CCDC40: variants seen among roughly 807,000 people sequenced by gnomAD.
CCDC40 encodes the protein coiled-coil domain 40 molecular ruler complex subunit, also known as coiled-coil domain-containing protein 40.
A neutral mutation model predicts 124.5 loss-of-function variants in CCDC40; 104 were observed. The ratio of observed to expected loss-of-function variants is 0.84; its 90% CI spans 0.71 to 0.98. The LOEUF is 0.98. Among genes scored for constraint, CCDC40 ranks in the 50% least tolerant of loss-of-function variants. The pLI is 0.00. For synonymous variants in CCDC40, 580 were observed against 602.9 expected (o/e 0.96, Z 0.56); for missense variants, 1,463 against 1,503.9 (o/e 0.97, Z 0.45).
intron 17 of CCDC40, among the ~76,000 whole-genome samples, chr17:80,094,688 C>A (rs577598697): frequency 6.6e-6 from 1 of 152,036 alleles, no homozygotes; most frequent in African/African-American, 2.4e-5. Context: ...AGCAAGACTC[C>A]GTCTCAAAAA....
intron 2 of CCDC40, among the ~76,000 whole-genome samples, chr17:80,038,609 G>A (rs939994373): frequency 1.2e-4 from 18 of 151,962 alleles, no homozygotes; most frequent in Non-Finnish European, 2.1e-4. Context: ...GGCAGATCAC[G>A]AGGTCAAAAG....
chr17:80,087,834 C>G lies in CCDC40; in HGVS notation c.2619+58C>G. ...GGACGATGGAGGGCGGGGGTACGGT[C>G]CTTGCGGTGGGCGTTCTGCACCAGG... is the stretch of plus-strand genomic sequence containing the variant. On this transcript the variant is annotated intron_variant, in intron 15 of 19. Transcript: ENST00000397545. This position sits in a 1 kb window ranked among gnomAD's most constrained non-coding sequence, Gnocchi z 4.5. The G allele has an allele frequency of 4.0e-6, 6 of 1,517,676 alleles. No individual in the cohort carries two copies. In the South Asian group the frequency reaches 6.7e-5, roughly 17 times the overall value. The allele number at this position is 1,517,676 out of a possible 1,614,324, so 94.0% of individuals were successfully genotyped here.
Position 80,053,082 on chromosome 17 carries a change from C to G in CCDC40, c.1159+2799C>G, listed in dbSNP as rs190878222. On this transcript the variant is annotated intron_variant, in intron 7 of 19. Coordinates refer to ENST00000397545, the MANE Select transcript of CCDC40 (RefSeq NM_017950.4). ...GACATGGACGACAGATTAGGGAAAT[C>G]GAATCAGTGTCCGAAAGGGAGATTT... 4.7e-3 allele frequency among the ~76,000 whole-genome samples: 713 copies of G among 152,222 alleles called. 2 individuals are homozygous for G. Among genetic ancestry groups the G allele is most frequent in the Non-Finnish European group, 8.3e-3 (563 of 68,010 alleles).
At position 80,072,944 on chromosome 17, in the gene CCDC40, G is replaced by A. The variant is rs531856102; in HGVS notation, c.1562+7338G>A. On this transcript the variant is annotated intron_variant, in intron 10 of 19. Transcript: ENST00000397545. ...TCCCGGGTAAATACAGGCGCATCTCGTTTCAGTGTGCCTCGCTTTCTCCTA... is the reference window on the plus strand; with the variant it reads ...TCCCGGGTAAATACAGGCGCATCTCATTTCAGTGTGCCTCGCTTTCTCCTA... 2.6e-5 allele frequency among the ~76,000 whole-genome samples: 4 copies of A among 152,190 alleles called. No homozygotes were observed. The East Asian group carries it at 5.8e-4, about 22-fold the overall frequency.
In CCDC40 at chr17:80,036,696, G is replaced by A. The variant is rs934195206; in HGVS notation, c.29+5G>A. 3 of 1,463,654 alleles carry A rather than the reference G, an allele frequency of 2.0e-6. No individual in the cohort carries two copies. The highest frequency in any genetic ancestry group is 2.9e-5 in the African/African-American group (2 of 69,168). The allele number at this position is 1,463,654 out of a possible 1,614,324, so 90.7% of individuals were successfully genotyped here. A position where few individuals can be genotyped will look rare whatever the true frequency, so the allele number is the denominator to read the frequency against. On this transcript the variant is annotated splice_donor_5th_base_variant and intron_variant, in intron 1 of 19. Coordinates refer to ENST00000397545, the MANE Select transcript of CCDC40 (RefSeq NM_017950.4). ...ACCGGGCGGCGCGGCGGGCCGGTAAGCCGGGCCGAGGGGCAGCGGGTCTTG... is the reference window on the plus strand; with the variant it reads ...ACCGGGCGGCGCGGCGGGCCGGTAAACCGGGCCGAGGGGCAGCGGGTCTTG...
At chr17:80,062,810 G>A (rs1026700479) in intron 9 of CCDC40, among the ~76,000 whole-genome samples, 2 of 151,928 alleles carry the variant, frequency 1.3e-5, no homozygotes, top group Non-Finnish European at 2.9e-5. Context: ...AGACTGGTTG[G>A]GAACTCCTGG....
At chr17:80,080,941 G>A (rs565941675) in intron 10 of CCDC40, among the ~76,000 whole-genome samples, 1 of 152,294 alleles carries the variant, frequency 6.6e-6, no homozygotes, top group South Asian at 2.1e-4. Context: ...TCAACACGAA[G>A]GAAGGATCAT....
intron 7 of CCDC40, among the ~76,000 whole-genome samples, chr17:80,054,776 C>G (rs1359112168): frequency 2.0e-5 from 3 of 152,064 alleles, no homozygotes; most frequent in Admixed American, 2.0e-4. Flanking sequence ...GAGTTCGAGA[C>G]CAGCCTGGCC....
chr17:80,058,472 T>C lies in CCDC40; in HGVS notation c.1160-22T>C. On this transcript the variant is annotated intron_variant, in intron 7 of 19. Coordinates refer to ENST00000397545, the MANE Select transcript of CCDC40 (RefSeq NM_017950.4). This position sits in a 1 kb window ranked among gnomAD's most constrained non-coding sequence, Gnocchi z 4.2. Reference sequence around the variant, plus strand: ...CCTCCCCACTCACTCTCTCTCTCTTTCTCCCCCGCCGCGCCCCGCAGTGGC... The same window carrying C: ...CCTCCCCACTCACTCTCTCTCTCTTCCTCCCCCGCCGCGCCCCGCAGTGGC... 6.2e-7 allele frequency: 1 copy of C among 1,612,016 alleles called. No homozygotes were observed. The highest frequency in any genetic ancestry group is 1.1e-5 in the South Asian group (1 of 91,008).
At chr17:80,051,323 T>G (rs2037581739) in intron 7 of CCDC40, 1 of 981,470 alleles carries the variant, frequency 1.0e-6, no homozygotes, top group Admixed American at 6.2e-5. Context: ...TTAGGGTAAG[T>G]GGGCACTTAT....
Position 80,086,505 on chromosome 17 carries a change from G to A in CCDC40, c.2449+289G>A, listed in dbSNP as rs1461787841. On this transcript the variant is annotated intron_variant, in intron 14 of 19. Transcript: ENST00000397545. The surrounding 1 kb of genome is among the most constrained non-coding windows in gnomAD (Gnocchi z 5.5). ...AGGAGCATGGAAGGTTATCATCCCCGCCAAGCCAGGGCACTCAGGTGGAAA... is the reference window on the plus strand; with the variant it reads ...AGGAGCATGGAAGGTTATCATCCCCACCAAGCCAGGGCACTCAGGTGGAAA... 1.3e-5 allele frequency: 5 copies of A among 398,440 alleles called. No homozygotes were observed. The highest frequency in any genetic ancestry group is 6.2e-5 in the African/African-American group (3 of 48,310). 24.7% of individuals were successfully genotyped at this position (398,440 alleles called of 1,614,324 possible).
At chr17:80,089,996 T>G (rs1327223253) in intron 17 of CCDC40, 112 bp downstream of exon 17, 1 of 1,542,278 alleles carries the variant, frequency 6.5e-7, no homozygotes, top group Non-Finnish European at 8.8e-7. Context: ...GGAACCACAC[T>G]GGCCACATTG....
chr17:80,049,828 T>A, intron 5 of CCDC40, 78 bp from the exon 6 acceptor site: 1 of 1,249,038 alleles, frequency 8.0e-7, no homozygotes, highest in Non-Finnish European at 1.2e-6. Flanking sequence ...GGGAGACCTG[T>A]GGCCACCTGG....
intron 10 of CCDC40, among the ~76,000 whole-genome samples, chr17:80,078,330 C>CAAA (rs71163916): frequency 1.5e-5 from 1 of 67,136 alleles, no homozygotes; most frequent in African/African-American, 5.4e-5. Context: ...GACTCTGTCT[C>CAAA]AAAAAAAAAA....
rs562391999 is a variant in CCDC40 at position 80,100,056 on chromosome 17, G to A, written c.*281G>A. 6.3e-6 allele frequency: 3 copies of A among 475,570 alleles called. No individual in the cohort carries two copies. The highest frequency in any genetic ancestry group is 3.4e-5 in the Admixed American group (1 of 29,678). The allele number at this position is 475,570 out of a possible 1,614,324, so 29.5% of individuals were successfully genotyped here. A position where few individuals can be genotyped will look rare whatever the true frequency, so the allele number is the denominator to read the frequency against. On this transcript the variant is annotated 3_prime_UTR_variant, in exon 20 of 20. Transcript: ENST00000397545. ...CCACACTCCCACACTGGGCTTACTC[G>A]TCCAGGTAACACTTTGGTTTGCAGC...
rs563674891 is a variant in CCDC40, at chr17:80,074,471, C to T, written c.1563-7075C>T. 2.0e-5 allele frequency among the ~76,000 whole-genome samples: 3 copies of T among 152,228 alleles called. No individual in the cohort carries two copies. The South Asian group carries it at 6.2e-4, about 32-fold the overall frequency. On this transcript the variant is annotated intron_variant, in intron 10 of 19. Coordinates refer to ENST00000397545, the MANE Select transcript of CCDC40 (RefSeq NM_017950.4). ...CTGCACTCCAGCCTGGGCAACAGAGCGAGACTCTGTCTCAAAAAAGAGAAT... is the reference window on the plus strand; with the variant it reads ...CTGCACTCCAGCCTGGGCAACAGAGTGAGACTCTGTCTCAAAAAAGAGAAT...
chr17:80,044,737 ATC>A (rs1568671779), intron 3 of CCDC40, among the ~76,000 whole-genome samples: 1 of 139,232 alleles, frequency 7.2e-6, no homozygotes, highest in South Asian at 2.2e-4. Flanking sequence ...ATATATATAT[ATC>A]TCAACAACAG....
chr17:80,090,974 C>A (rs2038711766), intron 17 of CCDC40, among the ~76,000 whole-genome samples: 1 of 152,172 alleles, frequency 6.6e-6, no homozygotes, highest in Non-Finnish European at 1.5e-5. Flanking sequence ...AGAGTGGGGG[C>A]CAAAGAGAAG....
intron 2 of CCDC40, among the ~76,000 whole-genome samples, chr17:80,039,211 G>A (rs1350348460): frequency 6.6e-6 from 1 of 151,452 alleles, no homozygotes; most frequent in Non-Finnish European, 1.5e-5. Context: ...TACTAAAAAT[G>A]GAAAAATTAA....
Sources: allele counts gnomAD v4.1 joint callset (sites outside exome capture counted in the v4.1 genomes callset), GRCh38; gene constraint gnomAD v4.1.1; non-coding constraint Gnocchi (gnomAD v3.1); transcripts MANE v1.5; gene names NCBI Gene and HGNC (gene_info 2026-07-23, HGNC 2026-07-21).